Variants in KLHL12 observed in about 807,000 individuals in gnomAD.
The protein encoded by KLHL12 is kelch-like protein 12.
In KLHL12, 17 loss-of-function variants were observed where a neutral mutation model predicts 60.8. That is an observed-to-expected ratio of 0.28 (90% confidence interval 0.19 to 0.42). KLHL12 has a LOEUF of 0.42. Among genes scored for constraint, KLHL12 ranks in the 10% least tolerant of loss-of-function variants. KLHL12 has a pLI of 1.00. For missense variants in KLHL12, 468 were observed against 722.3 expected (o/e 0.65, Z 4.04); for synonymous variants, 220 against 250.9 (o/e 0.88, Z 1.16).
chr1:202,924,881 A>T, intron 2 of KLHL12, 87 bp downstream of exon 2: 1 of 1,487,310 alleles, frequency 6.7e-7, no homozygotes, highest in Non-Finnish European at 9.0e-7. Context: ...ATTCAAAATT[A>T]TATCAAACTT....
At chr1:202,923,956 TA>T (rs1326651636) in intron 2 of KLHL12, among the ~76,000 whole-genome samples, 1 of 152,154 alleles carries the variant, frequency 6.6e-6, no homozygotes, top group Non-Finnish European at 1.5e-5. Context: ...CATGTAAGTG[TA>T]AATTATATAA....
intron 6 of KLHL12, among the ~76,000 whole-genome samples, chr1:202,904,478 AC>A (rs1201501515): frequency 6.6e-6 from 1 of 152,146 alleles, no homozygotes; most frequent in African/African-American, 2.4e-5. Flanking sequence ...TAATGTTTTA[AC>A]CCTAAGTTGG....
rs145732400 is a variant in KLHL12, at chr1:202,904,016, T to C, written c.832+4994A>G. On this transcript the variant is annotated intron_variant, in intron 6 of 11. Coordinates refer to ENST00000367261, the MANE Select transcript of KLHL12 (RefSeq NM_021633.4). ...TGTATCTATCTATCTATCTATCTAT[T>C]TATCTATCTATCTATCTATGAGATG... is the stretch of plus-strand genomic sequence containing the variant. 5.3e-3 allele frequency among the ~76,000 whole-genome samples: 799 copies of C among 150,116 alleles called. 10 individuals are homozygous for C. Among genetic ancestry groups the C allele is most frequent in the South Asian group, 0.05 (234 of 4,724 alleles).
At chr1:202,923,847 T>C (rs1418443) in intron 2 of KLHL12, among the ~76,000 whole-genome samples, 118,315 of 151,078 alleles carry the variant, frequency 0.78, 47,438 homozygotes, top group East Asian at 0.89. Context: ...TACACTAAGA[T>C]GATAGAACTA....
chr1:202,923,494 T>C (rs1299135759), intron 2 of KLHL12, among the ~76,000 whole-genome samples: 1 of 152,250 alleles, frequency 6.6e-6, no homozygotes, highest in Non-Finnish European at 1.5e-5. Context: ...GACTGAGCAT[T>C]GGCTCATAGT....
At chr1:202,899,307 A>C (rs185074162) in intron 6 of KLHL12, among the ~76,000 whole-genome samples, 8 of 152,322 alleles carry the variant, frequency 5.3e-5, no homozygotes, top group Admixed American at 5.2e-4. Flanking sequence ...GCAAAACTCC[A>C]TCTCAAAGAA....
chr1:202,925,263 A>G, intron 1 of KLHL12, 56 bp from the exon 2 acceptor site: 1 of 1,529,712 alleles, frequency 6.5e-7, no homozygotes, highest in East Asian at 2.3e-5. Context: ...GCAACTGAAC[A>G]TATTTAATTA....
At chr1:202,897,000 T>C (rs199552913) in intron 6 of KLHL12, 40 bp from the exon 7 acceptor site, 32 of 1,459,162 alleles carry the variant, frequency 2.2e-5, no homozygotes, top group Admixed American at 1.7e-4. Flanking sequence ...TAGTTCAGCA[T>C]CCCTGGATGG....
chr1:202,917,041 A>G (rs892301903), intron 4 of KLHL12, among the ~76,000 whole-genome samples: 1 of 152,180 alleles, frequency 6.6e-6, no homozygotes, highest in Non-Finnish European at 1.5e-5. Context: ...AAGACATCTA[A>G]TAACTATATT....
intron 4 of KLHL12, among the ~76,000 whole-genome samples, chr1:202,917,464 C>T (rs1004399670): frequency 3.9e-5 from 6 of 152,214 alleles, no homozygotes; most frequent in Non-Finnish European, 7.3e-5. Context: ...TCTGCCTCAG[C>T]CTCCCAAAGT....
chr1:202,905,187 A>T (rs1660145605), intron 6 of KLHL12, among the ~76,000 whole-genome samples: 2 of 152,216 alleles, frequency 1.3e-5, no homozygotes, highest in African/African-American at 4.8e-5. Flanking sequence ...TAATCCCTTA[A>T]GGTCAGGGCA....
upstream of KLHL12, chr1:202,928,394 C>G: frequency 1.4e-6 from 1 of 725,350 alleles, no homozygotes; most frequent in Non-Finnish European, 2.1e-6. Flanking sequence ...AGCCTGAGTT[C>G]CTCCCTACCG....
At chr1:202,916,805 C>T (rs1335035723) in intron 4 of KLHL12, among the ~76,000 whole-genome samples, 1 of 151,842 alleles carries the variant, frequency 6.6e-6, no homozygotes, top group African/African-American at 2.4e-5. Flanking sequence ...ACAGCGAGAC[C>T]CCATCTCAAC....
rs1465455021 is a variant in KLHL12, at chr1:202,896,887, A to G, written c.906T>C (p.Tyr302=). 2 of 1,614,172 alleles carry G rather than the reference A, an allele frequency of 1.2e-6. No homozygotes were observed. Among genetic ancestry groups the G allele is most frequent in the Middle Eastern group, 1.6e-4 (1 of 6,062 alleles). The change falls in exon 7 of 12, where the codon TAT becomes TAC. Residue 302 remains tyrosine, a synonymous_variant. Coordinates refer to ENST00000367261, the MANE Select transcript of KLHL12 (RefSeq NM_021633.4). ...QQSPIDVVEK[Y]DPKTQEWSFL... ...AGCTCCACTCCTGAGTCTTGGGGTC[A>G]TATTTCTCTACCACATCAATGGGAG...
chr1:202,911,431 TAC>T (rs1006058629), intron 4 of KLHL12, among the ~76,000 whole-genome samples: 1 of 141,498 alleles, frequency 7.1e-6, no homozygotes, highest in Admixed American at 7.5e-5. Flanking sequence ...TATATATATA[TAC>T]ACACACACAT....
In KLHL12 at chr1:202,895,809, C is replaced by G. The variant is rs530342844; in HGVS notation, c.940-92G>C. On this transcript the variant is annotated intron_variant, in intron 7 of 11. Coordinates refer to ENST00000367261, the MANE Select transcript of KLHL12 (RefSeq NM_021633.4). This position sits in a 1 kb window ranked among gnomAD's most constrained non-coding sequence, Gnocchi z 4.2. The stretch of plus-strand genomic sequence containing the variant: ...TATCTTCCCTGTTGTATCTGCACAC[C>G]TCTCTGCTTCTTCACCTGTCATCAT... The G allele has an allele frequency of 4.8e-5, 42 of 881,784 alleles. No individual in the cohort carries two copies. In the African/African-American group the frequency reaches 6.3e-4, roughly 13 times the overall value. The allele number at this position is 881,784 out of a possible 1,614,324, so 54.6% of individuals were successfully genotyped here.
chr1:202,908,123 CAA>C (rs1660251577), intron 6 of KLHL12, among the ~76,000 whole-genome samples: 1 of 152,030 alleles, frequency 6.6e-6, no homozygotes, highest in Non-Finnish European at 1.5e-5. Context: ...GACAGTGAAG[CAA>C]AGAGAATAGG....
intron 2 of KLHL12, among the ~76,000 whole-genome samples, chr1:202,924,651 TAAGA>T (rs1653433007): frequency 1.3e-5 from 2 of 152,174 alleles, no homozygotes; most frequent in Admixed American, 1.3e-4. Flanking sequence ...AAGACAAATT[TAAGA>T]AATAGTAAAA....
intron 6 of KLHL12, among the ~76,000 whole-genome samples, chr1:202,897,360 C>T (rs1247108474): frequency 1.3e-5 from 2 of 151,354 alleles, no homozygotes; most frequent in Non-Finnish European, 2.9e-5. Context: ...CTCAGCCTCC[C>T]GAGTAGCTGG....
Sources: gnomAD v4.1 joint callset for allele counts (sites outside exome capture counted in the v4.1 genomes callset) on GRCh38, gnomAD v4.1.1 for gene constraint, Gnocchi (gnomAD v3.1) non-coding constraint, MANE v1.5 for transcripts, NCBI Gene and HGNC (gene_info 2026-07-23, HGNC 2026-07-21) for gene names.